ADGRA3: variants seen among roughly 807,000 people sequenced by gnomAD.
The protein encoded by ADGRA3 is G-protein coupled receptor 125.
Under a neutral mutation model 119.8 loss-of-function variants are expected in ADGRA3, and 56 were observed. The ratio of observed to expected loss-of-function variants is 0.47; its 90% CI spans 0.38 to 0.58. The LOEUF (loss-of-function observed/expected upper bound fraction) is 0.58, where lower values mean the gene tolerates loss of function less well. Among genes scored for constraint, ADGRA3 ranks in the 20% least tolerant of loss-of-function variants. The pLI is 0.00. For missense variants in ADGRA3, 1,516 were observed against 1,649.0 expected, an observed-to-expected ratio of 0.92 and a Z score of 1.40; for synonymous variants, 607 against 623.8, an observed-to-expected ratio of 0.97 and a Z score of 0.40.
In ADGRA3 at chr4:22,414,164, T is replaced by C. The variant is rs566877184; in HGVS notation, c.1810-350A>G. 1.3e-3 allele frequency: 279 copies of C among 207,162 alleles called. 2 individuals carry two copies. Among genetic ancestry groups the C allele is most frequent in the Non-Finnish European group, 2.2e-3 (232 of 104,092 alleles). 12.8% of individuals were successfully genotyped at this position (207,162 alleles called of 1,614,324 possible). ...TGATCAGGCTGTATCAATTTTACAA[T>C]GATAAAATATGATAAAGAAGCACAA... On this transcript the variant is annotated intron_variant, in intron 12 of 18. Coordinates refer to ENST00000334304, the MANE Select transcript of ADGRA3 (RefSeq NM_145290.4).
chr4:22,388,389 C>G lies in ADGRA3; in HGVS notation c.3282G>C (p.Ala1094=). The G allele has an allele frequency of 6.2e-7, 1 of 1,613,974 alleles. No individual in the cohort carries two copies. Among genetic ancestry groups the G allele is most frequent in the Non-Finnish European group, 8.5e-7 (1 of 1,179,994 alleles). The change falls in exon 19 of 19, where the codon GCG becomes GCC. Residue 1094 remains alanine (A), a synonymous_variant. Coordinates refer to ENST00000334304, the MANE Select transcript of ADGRA3 (RefSeq NM_145290.4). ...GEAPKCPNSS[A]ESSCTNKSAS... ...CACTTTTGTTTGTGCATGAAGACTCCGCACTGCTATTGGGGCATTTGGGTG... is the reference window on the plus strand; with the variant it reads ...CACTTTTGTTTGTGCATGAAGACTCGGCACTGCTATTGGGGCATTTGGGTG...
In ADGRA3 at chr4:22,387,957, G is replaced by A. The variant is rs977558458; in HGVS notation, c.3714C>T (p.Asp1238=). The change falls in exon 19 of 19, where the codon GAC becomes GAT. Residue 1238 remains aspartate (D), a synonymous_variant. Transcript: ENST00000334304. ...GAAGTGTGCTACAAGCATCGCTGCT[G>A]TCTTGCTGGGGTGGGTTGTACTGTC... ...RERQYNPPQQ[D]SSDACSTLPK... is the part of the protein sequence containing the mutation. The A allele has an allele frequency of 1.9e-6, 3 of 1,614,162 alleles. No homozygotes were observed. The highest frequency in any genetic ancestry group is 2.5e-6 in the Non-Finnish European group (3 of 1,180,006).
intron 3 of ADGRA3, among the ~76,000 whole-genome samples, chr4:22,458,364 TC>T: frequency 6.6e-6 from 1 of 152,256 alleles, no homozygotes. Context: ...ATGCTCCATA[TC>T]CCCTGCCTGT....
At chr4:22,414,329 C>G (rs745712956) in intron 12 of ADGRA3, 33 of 336,466 alleles carry the variant, frequency 9.8e-5, no homozygotes, top group Admixed American at 2.3e-4. Context: ...GTACACTTAG[C>G]AGAAATTTCC....
intron 2 of ADGRA3, among the ~76,000 whole-genome samples, chr4:22,469,997 T>C (rs926425323): frequency 1.3e-5 from 2 of 152,210 alleles, no homozygotes; most frequent in South Asian, 2.1e-4. Context: ...CATTACTGCA[T>C]ATGTTCCATA....
chr4:22,411,807 T>A (rs1216564817), intron 14 of ADGRA3, among the ~76,000 whole-genome samples: 2 of 152,120 alleles, frequency 1.3e-5, no homozygotes, highest in Non-Finnish European at 2.9e-5. Context: ...TAAACATACA[T>A]GTTTAAATAT....
rs1031969546 is a variant in ADGRA3 at position 22,515,996 on chromosome 4, C to G, written c.-212G>C. 133 of 164,970 alleles carry G rather than the reference C, an allele frequency of 8.1e-4. No individual in the cohort carries two copies. The highest frequency in any genetic ancestry group is 1.3e-3 in the Non-Finnish European group (103 of 79,566). 10.2% of individuals were successfully genotyped at this position (164,970 alleles called of 1,614,324 possible). A position where few individuals can be genotyped will look rare whatever the true frequency, so the allele number is the denominator to read the frequency against. ...GCCGGGGGTCACGGCCGCATGGGTC[C>G]CAGCGCCGCTCTACCGCCCGGCGCG... On this transcript the variant is annotated 5_prime_UTR_variant, in exon 1 of 19. Coordinates refer to ENST00000334304, the MANE Select transcript of ADGRA3 (RefSeq NM_145290.4).
chr4:22,466,457 T>C (rs577618143), intron 2 of ADGRA3, among the ~76,000 whole-genome samples: 11 of 152,302 alleles, frequency 7.2e-5, no homozygotes, highest in African/African-American at 2.6e-4. Flanking sequence ...CTGGGCGCAT[T>C]GGCTCACGCC....
chr4:22,437,657 AAAAT>A (rs1280417376), intron 8 of ADGRA3, among the ~76,000 whole-genome samples: 3 of 152,176 alleles, frequency 2.0e-5, no homozygotes, highest in African/African-American at 7.2e-5. Context: ...CTAAAATAAA[AAAAT>A]AAATAAATAA....
intron 2 of ADGRA3, among the ~76,000 whole-genome samples, chr4:22,470,198 C>T (rs1384134928): frequency 6.6e-6 from 1 of 151,740 alleles, no homozygotes; most frequent in Non-Finnish European, 1.5e-5. Context: ...GCATAGACTT[C>T]TAAAATAAAG....
chr4:22,428,317 T>G (rs1254094195), intron 10 of ADGRA3, among the ~76,000 whole-genome samples: 18 of 149,684 alleles, frequency 1.2e-4, no homozygotes, highest in Non-Finnish European at 4.4e-5. Flanking sequence ...ACTCTACAAG[T>G]GCTCAGAACA....
chr4:22,387,918 TCTG>T lies in ADGRA3; in HGVS notation c.3750_3752del (p.Ser1250del). ...TGGTTGAAACTGGCTTTTCAAAATT[TCTG>T]CTACTTTTGGGAAGTGTGCTACAAG... On this transcript the variant is annotated inframe_deletion, in exon 19 of 19. Coordinates refer to ENST00000334304, the MANE Select transcript of ADGRA3 (RefSeq NM_145290.4). 6.2e-7 allele frequency: 1 copy of T among 1,614,156 alleles called. No homozygotes were observed.
chr4:22,513,495 T>A (rs1297155703), intron 1 of ADGRA3, among the ~76,000 whole-genome samples: 1 of 151,766 alleles, frequency 6.6e-6, no homozygotes, highest in Non-Finnish European at 1.5e-5. Flanking sequence ...CTTCTTCCCA[T>A]TCACTAAACA....
intron 3 of ADGRA3, among the ~76,000 whole-genome samples, chr4:22,459,599 A>G (rs1416618327): frequency 6.6e-6 from 1 of 152,166 alleles, no homozygotes; most frequent in Admixed American, 6.6e-5. Flanking sequence ...AGCCATACCC[A>G]GTGTTATGAT....
intron 14 of ADGRA3, among the ~76,000 whole-genome samples, chr4:22,403,480 G>A (rs1714759000): frequency 6.6e-6 from 1 of 152,068 alleles, no homozygotes; most frequent in East Asian, 1.9e-4. Flanking sequence ...GCTCGCACCT[G>A]TAATCCCAGC....
chr4:22,450,225 A>G (rs1459839664), intron 4 of ADGRA3, among the ~76,000 whole-genome samples: 1 of 151,782 alleles, frequency 6.6e-6, no homozygotes, highest in Non-Finnish European at 1.5e-5. Context: ...CATAGAATGG[A>G]GCAGCAGGTA....
At position 22,445,109 on chromosome 4, in the gene ADGRA3, C is replaced by T; in HGVS notation, c.570G>A (p.Leu190=). The part of the protein sequence containing the change: ...RSLEFQTEYL[L]CDCNILWMHR... ...GCATCCACAGTATGTTACAGTCACACAAAAGATACTCAGTCTGGAATTCCC... is the reference window on the plus strand; with the variant it reads ...GCATCCACAGTATGTTACAGTCACATAAAAGATACTCAGTCTGGAATTCCC... The change falls in exon 6 of 19, where the codon TTG becomes TTA. Residue 190 remains leucine (L), a synonymous_variant. Transcript: ENST00000334304. 1 of 1,613,824 alleles carries T rather than the reference C, an allele frequency of 6.2e-7. No homozygotes were observed. Among genetic ancestry groups the T allele is most frequent in the Non-Finnish European group, 8.5e-7 (1 of 1,179,802 alleles).
At chr4:22,433,028 C>T (rs1201708616) in intron 10 of ADGRA3, among the ~76,000 whole-genome samples, 1 of 152,088 alleles carries the variant, frequency 6.6e-6, no homozygotes. Context: ...GTTTTTTTCA[C>T]TACACTAATA....
chr4:22,515,764 C>A lies in ADGRA3; in HGVS notation c.21G>T (p.Arg7=). 2.9e-6 allele frequency: 3 copies of A among 1,020,456 alleles called. No homozygotes were observed. Among genetic ancestry groups the A allele is most frequent in the Non-Finnish European group, 2.3e-6 (2 of 857,290 alleles). The allele number at this position is 1,020,456 out of a possible 1,614,324, so 63.2% of individuals were successfully genotyped here. MEPPGR[R]RGRAQPPLLL... ...ACAGCGGCGGCTGCGCGCGGCCCCG[C>A]CGGCGTCCGGGTGGCTCCATGCTGC... The change falls in exon 1 of 19, where the codon CGG becomes CGT. Residue 7 remains arginine, a synonymous_variant. Coordinates refer to ENST00000334304, the MANE Select transcript of ADGRA3 (RefSeq NM_145290.4).
Sources: allele counts gnomAD v4.1 joint callset (sites outside exome capture counted in the v4.1 genomes callset), GRCh38; gene constraint gnomAD v4.1.1; transcripts MANE v1.5; gene names NCBI Gene and HGNC (gene_info 2026-07-23, HGNC 2026-07-21).